Variants in CSMD1 observed in about 807,000 individuals in gnomAD.
The protein encoded by CSMD1 is CUB and sushi domain-containing protein 1.
Under a neutral mutation model 417.5 loss-of-function variants are expected in CSMD1, and 213 were observed. That is an observed-to-expected ratio of 0.51 (90% confidence interval 0.46 to 0.57). The LOEUF is 0.57. Ranked by LOEUF, CSMD1 falls within the 20% of genes least tolerant of loss-of-function variation. The pLI is 0.00. For missense variants in CSMD1, 6,923 were observed against 4,529.7 expected, an observed-to-expected ratio of 1.53 and a Z score of -15.17; for synonymous variants, 2,862 against 1,736.8, an observed-to-expected ratio of 1.65 and a Z score of -16.11.
intron 3 of CSMD1, among the ~76,000 whole-genome samples, chr8:4,380,639 G>C (rs1013926283): frequency 1.2e-4 from 18 of 152,284 alleles, no homozygotes; most frequent in Admixed American, 1.3e-4. Flanking sequence ...AGTCATTAAA[G>C]TGTCAATATC....
At chr8:4,569,035 AGATT>A (rs1798755364) in intron 2 of CSMD1, among the ~76,000 whole-genome samples, 3 of 152,134 alleles carry the variant, frequency 2.0e-5, no homozygotes, top group Admixed American at 2.0e-4. Context: ...TCAGATGGAT[AGATT>A]GACAAAATTT....
intron 3 of CSMD1, among the ~76,000 whole-genome samples, chr8:4,389,045 G>A (rs1803661576): frequency 6.6e-6 from 1 of 152,140 alleles, no homozygotes; most frequent in Non-Finnish European, 1.5e-5. Flanking sequence ...CAGTTAGTCT[G>A]GTCTTATTTT....
At position 4,987,864 on chromosome 8, in the gene CSMD1, T is replaced by C. The variant is rs191153059; in HGVS notation, c.85+6468A>G. On this transcript the variant is annotated intron_variant, in intron 1 of 69. Transcript: ENST00000635120. ...TGCTTCTTGTCCTCGAAAATCGGAC[T>C]CTAAGGTGTTCACCTATTGGACTCT... Among the ~76,000 whole-genome samples the C allele has an allele frequency of 2.0e-5, 3 of 152,322 alleles. No homozygotes were observed. In the East Asian group the frequency reaches 5.8e-4, roughly 29 times the overall value.
At chr8:3,617,536 AG>A (rs978169442) in intron 7 of CSMD1, among the ~76,000 whole-genome samples, 1 of 152,104 alleles carries the variant, frequency 6.6e-6, no homozygotes, top group Non-Finnish European at 1.5e-5. Context: ...ATGAGATGTG[AG>A]GGGAAGTCCA....
At chr8:4,416,325 A>G (rs1022137729) in intron 3 of CSMD1, among the ~76,000 whole-genome samples, 1 of 152,146 alleles carries the variant, frequency 6.6e-6, no homozygotes, top group African/African-American at 2.4e-5. Flanking sequence ...TATAAAATGA[A>G]CTAAAAAGTC....
chr8:4,122,893 A>G (rs1006039762), intron 3 of CSMD1, among the ~76,000 whole-genome samples: 2 of 152,216 alleles, frequency 1.3e-5, no homozygotes, highest in Non-Finnish European at 2.9e-5. Context: ...GAAGAAACTA[A>G]TAGCTACGAG....
At chr8:4,467,185 A>C (rs547093364) in intron 2 of CSMD1, among the ~76,000 whole-genome samples, 29 of 152,104 alleles carry the variant, frequency 1.9e-4, no homozygotes, top group Non-Finnish European at 4.0e-4. Flanking sequence ...TTCTGTAAAC[A>C]ATGTTCAAAG....
chr8:4,142,436 T>C (rs117655944), intron 3 of CSMD1, among the ~76,000 whole-genome samples: 1 of 150,822 alleles, frequency 6.6e-6, no homozygotes, highest in African/African-American at 2.5e-5. Flanking sequence ...ATAACAGAAC[T>C]AGTTTCCCTC....
rs758166359 is a variant in CSMD1, at chr8:4,802,354, T to C, written c.86-164796A>G. Among the ~76,000 whole-genome samples the C allele has an allele frequency of 4.6e-3, 613 of 133,918 alleles. 2 individuals carry two copies. The highest frequency in any genetic ancestry group is 8.6e-3 in the Middle Eastern group (2 of 232). The allele number at this position is 133,918 out of a possible 152,430, so 87.9% of individuals were successfully genotyped here. On this transcript the variant is annotated intron_variant, in intron 1 of 69. Coordinates refer to ENST00000635120, the MANE Select transcript of CSMD1 (RefSeq NM_033225.6). Reference sequence around the variant, plus strand: ...CAAGCAAAATGAGTGTGTGCGCGCGTGTGTGTGTGTGTGTGTGTGTGTGTA... The same window carrying C: ...CAAGCAAAATGAGTGTGTGCGCGCGCGTGTGTGTGTGTGTGTGTGTGTGTA...
At chr8:4,438,440 C>A (rs1046212071) in intron 2 of CSMD1, among the ~76,000 whole-genome samples, 1 of 152,160 alleles carries the variant, frequency 6.6e-6, no homozygotes, top group African/African-American at 2.4e-5. Flanking sequence ...CCACATGACG[C>A]TGAATGTTAA....
At chr8:4,430,370 T>C (rs1797806126) in intron 2 of CSMD1, among the ~76,000 whole-genome samples, 1 of 152,168 alleles carries the variant, frequency 6.6e-6, no homozygotes, top group South Asian at 2.1e-4. Flanking sequence ...TAAAGGCTTA[T>C]CAGTTTATTC....
intron 3 of CSMD1, among the ~76,000 whole-genome samples, chr8:4,396,068 C>A (rs965197523): frequency 2.6e-5 from 4 of 152,134 alleles, no homozygotes; most frequent in African/African-American, 4.8e-5. Context: ...ATGCATCACC[C>A]ATTTCTGTCT....
intron 3 of CSMD1, among the ~76,000 whole-genome samples, chr8:4,285,741 G>C (rs1033029590): frequency 1.3e-5 from 2 of 152,124 alleles, no homozygotes; most frequent in Non-Finnish European, 2.9e-5. Context: ...ATCCTGTTAG[G>C]AACTTCAGAG....
chr8:3,324,838 A>G (rs1485274316), intron 23 of CSMD1, among the ~76,000 whole-genome samples: 1 of 152,182 alleles, frequency 6.6e-6, no homozygotes, highest in Non-Finnish European at 1.5e-5. Context: ...ATCACTTCAG[A>G]TCTTTGCAGA....
At chr8:3,383,934 C>A (rs1330022374) in intron 18 of CSMD1, among the ~76,000 whole-genome samples, 1 of 151,998 alleles carries the variant, frequency 6.6e-6, no homozygotes, top group Non-Finnish European at 1.5e-5. Context: ...ATGGATGGAC[C>A]CCACAGACTT....
At chr8:4,317,615 GAAA>G (rs377757105) in intron 3 of CSMD1, among the ~76,000 whole-genome samples, 6 of 338 alleles carry the variant, frequency 0.018, no homozygotes, top group Non-Finnish European at 0.039. Flanking sequence ...GAGAGAGAGA[GAAA>G]GAGAGAGAGA....
chr8:3,208,128 T>A (rs955630844), intron 30 of CSMD1, among the ~76,000 whole-genome samples: 1 of 152,220 alleles, frequency 6.6e-6, no homozygotes, highest in African/African-American at 2.4e-5. Flanking sequence ...CTCAGTCACA[T>A]ACAATTCAAA....
intron 1 of CSMD1, among the ~76,000 whole-genome samples, chr8:4,771,874 A>T (rs75625179): frequency 0.01 from 1,577 of 152,250 alleles, 11 homozygotes; most frequent in East Asian, 0.052. Context: ...CTGTGCTCAA[A>T]GCGGTGGGCA....
chr8:3,338,320 G>A (rs1016729407), intron 23 of CSMD1, among the ~76,000 whole-genome samples: 1 of 152,186 alleles, frequency 6.6e-6, no homozygotes, highest in Non-Finnish European at 1.5e-5. Flanking sequence ...TTGAGTCAGT[G>A]TCCACAGAAC....
Sources: gnomAD v4.1 joint callset for allele counts (sites outside exome capture counted in the v4.1 genomes callset) on GRCh38, gnomAD v4.1.1 for gene constraint, MANE v1.5 for transcripts, NCBI Gene and HGNC (gene_info 2026-07-23, HGNC 2026-07-21) for gene names.